Variants in NRXN3 observed in about 807,000 individuals in gnomAD.
The protein encoded by NRXN3 is neurexin III.
A neutral mutation model predicts 137.6 loss-of-function variants in NRXN3; 32 were observed. The ratio of observed to expected loss-of-function variants is 0.23; its 90% confidence interval spans 0.18 to 0.31. NRXN3 has a LOEUF of 0.31. Ranked by LOEUF, NRXN3 falls within the 10% of genes least tolerant of loss-of-function variation. The pLI, the probability that NRXN3 is intolerant of heterozygous loss-of-function variation, is 1.00. For missense variants in NRXN3, 1,574 were observed against 2,062.5 expected, an observed-to-expected ratio of 0.76 and a Z score of 4.59; for synonymous variants, 798 against 784.5, an observed-to-expected ratio of 1.02 and a Z score of -0.29.
intron 15 of NRXN3, among the ~76,000 whole-genome samples, chr14:79,297,156 C>T (rs2084317938): frequency 1.3e-5 from 2 of 152,190 alleles, no homozygotes; most frequent in South Asian, 4.1e-4. Flanking sequence ...ATTCAAATTC[C>T]CAGGCCATAG....
intron 15 of NRXN3, among the ~76,000 whole-genome samples, chr14:79,225,655 A>G (rs2070725767): frequency 6.6e-6 from 1 of 152,136 alleles, no homozygotes; most frequent in Non-Finnish European, 1.5e-5. Context: ...AACACTTTTT[A>G]CCCCCTGAAT....
At chr14:78,942,725 C>T (rs1034470209) in intron 10 of NRXN3, among the ~76,000 whole-genome samples, 1 of 151,980 alleles carries the variant, frequency 6.6e-6, no homozygotes, top group Non-Finnish European at 1.5e-5. Flanking sequence ...CAGGATACAA[C>T]AATATACAGT....
intron 4 of NRXN3, chr14:78,526,893 T>C (rs1427994888): frequency 1.0e-4 from 43 of 431,692 alleles, no homozygotes; most frequent in Non-Finnish European, 1.9e-4. Context: ...CTTTCAGTTT[T>C]CACACCTGGC....
intron 1 of NRXN3, among the ~76,000 whole-genome samples, chr14:78,180,466 G>A (rs1164374662): frequency 6.6e-6 from 1 of 152,250 alleles, no homozygotes. Context: ...AAGTTGGGAG[G>A]ATTCAGTGAA....
At chr14:78,282,178 G>T (rs754579118) in intron 3 of NRXN3, 1 of 494,124 alleles carries the variant, frequency 2.0e-6, no homozygotes, top group South Asian at 1.5e-5. Context: ...TTTGTACATT[G>T]GGATTTGTCA....
chr14:78,217,227 G>A (rs1274153218), intron 1 of NRXN3, among the ~76,000 whole-genome samples: 5 of 151,886 alleles, frequency 3.3e-5, no homozygotes, highest in African/African-American at 4.8e-5. Flanking sequence ...GCAAACCCTC[G>A]TATTTTTATC....
intron 15 of NRXN3, among the ~76,000 whole-genome samples, chr14:79,123,212 T>C (rs2055770636): frequency 6.6e-6 from 1 of 151,914 alleles, no homozygotes; most frequent in South Asian, 2.1e-4. Flanking sequence ...TATGGCTGTG[T>C]GTGCGTGTGT....
intron 20 of NRXN3, among the ~76,000 whole-genome samples, chr14:79,828,830 G>C (rs1270021904): frequency 2.0e-5 from 3 of 151,970 alleles, no homozygotes; most frequent in African/African-American, 7.2e-5. Context: ...ACTCAAGACA[G>C]CATACAAATT....
At chr14:79,850,431 T>A (rs774759431) in intron 20 of NRXN3, among the ~76,000 whole-genome samples, 3 of 152,106 alleles carry the variant, frequency 2.0e-5, no homozygotes, top group Admixed American at 6.6e-5. Context: ...TGGAGTAACT[T>A]GAGTATGTCT....
At chr14:78,914,188 A>G (rs2099248766) in intron 10 of NRXN3, among the ~76,000 whole-genome samples, 1 of 152,178 alleles carries the variant, frequency 6.6e-6, no homozygotes, top group Non-Finnish European at 1.5e-5. Flanking sequence ...CTGTGTGTGC[A>G]TGGATTGGTG....
intron 4 of NRXN3, among the ~76,000 whole-genome samples, chr14:78,554,018 AG>A (rs2096716566): frequency 6.6e-6 from 1 of 152,190 alleles, no homozygotes; most frequent in Non-Finnish European, 1.5e-5. Context: ...AGGGAGATGA[AG>A]GGTGCACTCT....
At chr14:79,573,800 A>G (rs2097637844) in intron 16 of NRXN3, among the ~76,000 whole-genome samples, 1 of 152,136 alleles carries the variant, frequency 6.6e-6, no homozygotes, top group Admixed American at 6.6e-5. Context: ...TCTTTTATCA[A>G]TTCCCTCTAC....
At chr14:78,922,492 G>A (rs913889770) in intron 10 of NRXN3, among the ~76,000 whole-genome samples, 1 of 152,216 alleles carries the variant, frequency 6.6e-6, no homozygotes, top group Admixed American at 6.5e-5. Flanking sequence ...AGTTTACGCT[G>A]TGTATGGGCC....
rs112688353 is a variant in NRXN3 at position 78,671,222 on chromosome 14, G to A, written c.1221+19896G>A. Among the ~76,000 whole-genome samples, 1,314 of 152,242 alleles carry A rather than the reference G, an allele frequency of 8.6e-3. 11 individuals carry two copies. The highest frequency in any genetic ancestry group is 0.011 in the African/African-American group (445 of 41,544). Reference sequence around the variant, plus strand: ...TCAGTGCCAAAGAGAGGACCAATACGTTGAGAACTGAAAGTGCCCTCATAG... The same window carrying A: ...TCAGTGCCAAAGAGAGGACCAATACATTGAGAACTGAAAGTGCCCTCATAG... On this transcript the variant is annotated intron_variant, in intron 6 of 20. Coordinates refer to ENST00000335750, the MANE Select transcript of NRXN3 (RefSeq NM_001330195.2).
intron 8 of NRXN3, among the ~76,000 whole-genome samples, chr14:78,727,563 G>T (rs187012975): frequency 6.6e-6 from 1 of 152,096 alleles, no homozygotes; most frequent in African/African-American, 2.4e-5. Context: ...ACCAACATGG[G>T]GAAACCCCAT....
chr14:79,005,375 T>G (rs2099550256), intron 15 of NRXN3, among the ~76,000 whole-genome samples: 1 of 152,230 alleles, frequency 6.6e-6, no homozygotes, highest in Non-Finnish European at 1.5e-5. Flanking sequence ...TTCTTTTTTG[T>G]GGCCATCTAA....
intron 4 of NRXN3, among the ~76,000 whole-genome samples, chr14:78,597,580 A>G (rs2097168129): frequency 6.6e-6 from 1 of 152,122 alleles, no homozygotes; most frequent in Non-Finnish European, 1.5e-5. Context: ...CAATAGTTTG[A>G]CCTTGGAGAG....
chr14:78,976,808 A>G (rs778315312), intron 14 of NRXN3, among the ~76,000 whole-genome samples: 49 of 152,148 alleles, frequency 3.2e-4, no homozygotes, highest in Middle Eastern at 6.8e-3. Flanking sequence ...TTGTTTCTGG[A>G]CTCCTCATCA....
chr14:79,839,591 G>A (rs761081552), intron 20 of NRXN3, among the ~76,000 whole-genome samples: 7 of 152,026 alleles, frequency 4.6e-5, no homozygotes, highest in East Asian at 1.9e-4. Flanking sequence ...CCACTTTTTG[G>A]TTGTCTCTTC....
Sources: gnomAD v4.1 joint callset for allele counts (sites outside exome capture counted in the v4.1 genomes callset) on GRCh38, gnomAD v4.1.1 for gene constraint, MANE v1.5 for transcripts, NCBI Gene and HGNC (gene_info 2026-07-23, HGNC 2026-07-21) for gene names.